Variants in CARNMT1 observed in about 807,000 individuals in gnomAD.
CARNMT1 encodes protein-L-histidine N-pros-methyltransferase CARNMT1.
In CARNMT1, 28 loss-of-function variants were observed where a neutral mutation model predicts 49.6. The ratio of observed to expected loss-of-function variants is 0.56; its 90% CI spans 0.42 to 0.77. The LOEUF (loss-of-function observed/expected upper bound fraction) is 0.77. Ranked by LOEUF, CARNMT1 falls within the 30% of genes least tolerant of loss-of-function variation. The pLI is 0.00. For synonymous variants in CARNMT1, 178 were observed against 175.0 expected, an observed-to-expected ratio of 1.02 and a Z score of -0.13; for missense variants, 421 against 512.6, an observed-to-expected ratio of 0.82 and a Z score of 1.73.
At chr9:75,002,359 A>G (rs575162361) in intron 3 of CARNMT1, among the ~76,000 whole-genome samples, 45 of 152,356 alleles carry the variant, frequency 3.0e-4, no homozygotes, top group Admixed American at 2.5e-3. Flanking sequence ...TAGTGGTAGA[A>G]GTAAATACAA....
chr9:74,984,600 G>T (rs1312425896), intron 7 of CARNMT1, among the ~76,000 whole-genome samples: 1 of 152,018 alleles, frequency 6.6e-6, no homozygotes, highest in Non-Finnish European at 1.5e-5. Flanking sequence ...TTAAAATATT[G>T]TATCAAATTA....
intron 3 of CARNMT1, among the ~76,000 whole-genome samples, chr9:75,001,793 T>C (rs1026163057): frequency 6.6e-6 from 1 of 152,216 alleles, no homozygotes; most frequent in East Asian, 1.9e-4. Flanking sequence ...AAGTGGGAAT[T>C]TCTGCTATGA....
In CARNMT1 at chr9:75,015,217, A is replaced by G. The variant is rs147128097; in HGVS notation, c.590+1051T>C. On this transcript the variant is annotated intron_variant, in intron 3 of 7. Coordinates refer to ENST00000376834, the MANE Select transcript of CARNMT1 (RefSeq NM_152420.3). Reference sequence around the variant, plus strand: ...TTTCCCCTCAATTACGGATGCAGGCAACAAACAATAGTTTTAGCAATACCT... The same window carrying G: ...TTTCCCCTCAATTACGGATGCAGGCGACAAACAATAGTTTTAGCAATACCT... 3.1e-3 allele frequency among the ~76,000 whole-genome samples: 473 copies of G among 152,340 alleles called. 1 individual carries two copies. The highest frequency in any genetic ancestry group is 4.3e-3 in the Non-Finnish European group (291 of 68,026).
intron 3 of CARNMT1, among the ~76,000 whole-genome samples, chr9:75,007,728 C>CAAAAAAA (rs201573769): frequency 3.7e-5 from 3 of 80,040 alleles, no homozygotes; most frequent in African/African-American, 4.1e-5. Context: ...GACCCTGTCT[C>CAAAAAAA]AAAAAAATAA....
rs900031777 is a variant in CARNMT1, at chr9:74,983,951, G to A, written c.1129-83C>T. 9.8e-5 allele frequency: 79 copies of A among 806,454 alleles called. No individual in the cohort carries two copies. The African/African-American group carries it at 1.2e-3, about 12-fold the overall frequency. 50.0% of individuals were successfully genotyped at this position (806,454 alleles called of 1,614,324 possible). ...AAATTCTGAGCACATATGTATCAGT[G>A]GCAGGCACTATTTTAAGCATATTCA... On this transcript the variant is annotated intron_variant, in intron 7 of 7. Coordinates refer to ENST00000376834, the MANE Select transcript of CARNMT1 (RefSeq NM_152420.3).
At chr9:75,000,394 G>A (rs1833318853) in intron 3 of CARNMT1, among the ~76,000 whole-genome samples, 1 of 152,038 alleles carries the variant, frequency 6.6e-6, no homozygotes. Context: ...TTTGGGGGAG[G>A]GGATATTTTC....
In CARNMT1 at chr9:74,983,725, G is replaced by T; in HGVS notation, c.*42C>A. ...TTTTGAGTCGTTGATTTCAGCATTT[G>T]TTCTTACTAAACTTTTTTCCAGGTG... On this transcript the variant is annotated 3_prime_UTR_variant, in exon 8 of 8. Coordinates refer to ENST00000376834, the MANE Select transcript of CARNMT1 (RefSeq NM_152420.3). 3.3e-6 allele frequency: 4 copies of T among 1,199,042 alleles called. No individual in the cohort carries two copies. The highest frequency in any genetic ancestry group is 4.8e-6 in the Non-Finnish European group (4 of 831,560). 74.3% of individuals were successfully genotyped at this position (1,199,042 alleles called of 1,614,324 possible). A position where few individuals can be genotyped will look rare whatever the true frequency, so the allele number is the denominator to read the frequency against.
At chr9:74,999,702 T>A in intron 4 of CARNMT1, 28 bp downstream of exon 4, 1 of 1,580,988 alleles carries the variant, frequency 6.3e-7, no homozygotes, top group Middle Eastern at 1.7e-4. Context: ...GAGAAATTAC[T>A]ATTTCCAGCA....
intron 3 of CARNMT1, among the ~76,000 whole-genome samples, chr9:75,001,686 T>G (rs1833362617): frequency 6.6e-6 from 1 of 152,214 alleles, no homozygotes; most frequent in Non-Finnish European, 1.5e-5. Context: ...ATCTTTGTTC[T>G]TAGCTAGATT....
chr9:75,003,898 C>T (rs559458250), intron 3 of CARNMT1, among the ~76,000 whole-genome samples: 45 of 152,316 alleles, frequency 3.0e-4, no homozygotes, highest in African/African-American at 8.2e-4. Flanking sequence ...TGCTATGAGA[C>T]GGAGTCTCGC....
chr9:75,009,024 G>A (rs796734974), intron 3 of CARNMT1, among the ~76,000 whole-genome samples: 1 of 149,156 alleles, frequency 6.7e-6, no homozygotes, highest in African/African-American at 2.5e-5. Flanking sequence ...AATTTTCAAC[G>A]AGTCTACCAA....
chr9:74,992,616 T>C, intron 6 of CARNMT1, among the ~76,000 whole-genome samples: 1 of 152,198 alleles, frequency 6.6e-6, no homozygotes, highest in East Asian at 1.9e-4. Flanking sequence ...ATCATAGCCT[T>C]ACCCAAAGGA....
chr9:75,020,393 G>A (rs1221741555), intron 1 of CARNMT1, among the ~76,000 whole-genome samples: 5 of 149,876 alleles, frequency 3.3e-5, no homozygotes, highest in East Asian at 2.0e-4. Flanking sequence ...TCAGCCTCCC[G>A]AGTAGCTGGG....
upstream of CARNMT1, chr9:75,028,316 C>T: frequency 6.8e-6 from 9 of 1,317,988 alleles, no homozygotes; most frequent in Admixed American, 4.2e-5. Flanking sequence ...GCTTGGCCTT[C>T]CTCTAGACGG....
rs150086282 is a variant in CARNMT1 at position 74,983,893 on chromosome 9, T to A, written c.1129-25A>T. On this transcript the variant is annotated intron_variant, in intron 7 of 7. Coordinates refer to ENST00000376834, the MANE Select transcript of CARNMT1 (RefSeq NM_152420.3). ...CCTGCAATGCAAACAATAATCATAA[T>A]ACTATGACAGTCATCATGACCACAC... 1.1e-5 allele frequency: 16 copies of A among 1,523,428 alleles called. No homozygotes were observed. The East Asian group carries it at 3.6e-4, about 35-fold the overall frequency. 94.4% of individuals were successfully genotyped at this position (1,523,428 alleles called of 1,614,324 possible). A position where few individuals can be genotyped will look rare whatever the true frequency, so the allele number is the denominator to read the frequency against.
intron 3 of CARNMT1, among the ~76,000 whole-genome samples, chr9:75,009,590 T>C (rs567285800): frequency 2.6e-4 from 40 of 152,242 alleles, no homozygotes; most frequent in African/African-American, 9.6e-4. Context: ...ATGCAAGGCT[T>C]ATGGACAAAT....
At chr9:74,994,116 T>C (rs577599278) in intron 6 of CARNMT1, among the ~76,000 whole-genome samples, 2 of 152,304 alleles carry the variant, frequency 1.3e-5, no homozygotes, top group South Asian at 2.1e-4. Flanking sequence ...AGCTCACTCA[T>C]GCTCTCATTC....
At chr9:74,998,544 T>A (rs1411222513) in intron 5 of CARNMT1, 54 bp downstream of exon 5, 17 of 1,374,886 alleles carry the variant, frequency 1.2e-5, no homozygotes, top group African/African-American at 2.9e-5. Context: ...TAAAACTAGC[T>A]CATTAAATTT....
intron 4 of CARNMT1, among the ~76,000 whole-genome samples, chr9:74,999,359 A>G (rs540654996): frequency 1.3e-5 from 2 of 152,352 alleles, no homozygotes; most frequent in Non-Finnish European, 2.9e-5. Flanking sequence ...AGAAAAAGTT[A>G]TAATTGCTAA....
Sources: allele counts gnomAD v4.1 joint callset (sites outside exome capture counted in the v4.1 genomes callset), GRCh38; gene constraint gnomAD v4.1.1; transcripts MANE v1.5; gene names NCBI Gene and HGNC (gene_info 2026-07-23, HGNC 2026-07-21).